Variants in TNIK observed in about 807,000 individuals in gnomAD.
The protein encoded by TNIK is TRAF2 and NCK-interacting protein kinase.
TNIK carries 49 observed loss-of-function variants against 191.3 expected under a neutral mutation model. The ratio of observed to expected loss-of-function variants is 0.26; its 90% CI spans 0.20 to 0.32. The LOEUF is 0.32. Ranked by LOEUF, TNIK falls within the 10% of genes least tolerant of loss-of-function variation. The pLI is 1.00. For synonymous variants in TNIK, 594 were observed against 600.9 expected, an observed-to-expected ratio of 0.99 and a Z score of 0.17; for missense variants, 1,155 against 1,702.3, an observed-to-expected ratio of 0.68 and a Z score of 5.66.
chr3:171,389,909 A>G (rs1197259333), intron 1 of TNIK, among the ~76,000 whole-genome samples: 1 of 152,182 alleles, frequency 6.6e-6, no homozygotes, highest in Non-Finnish European at 1.5e-5. Flanking sequence ...GTTTCTGCCA[A>G]CCCATTACAT....
intron 2 of TNIK, among the ~76,000 whole-genome samples, chr3:171,339,461 CTT>C (rs1266903058): frequency 3.3e-5 from 5 of 152,210 alleles, no homozygotes. Context: ...TGCCACTTCG[CTT>C]TTGTCAGTCC....
intron 2 of TNIK, among the ~76,000 whole-genome samples, chr3:171,332,848 T>G (rs771222248): frequency 6.6e-6 from 1 of 152,206 alleles, no homozygotes; most frequent in East Asian, 1.9e-4. Flanking sequence ...ACAAAGATGC[T>G]TGGGTATTAT....
chr3:171,402,374 G>T (rs1447075062), intron 1 of TNIK, among the ~76,000 whole-genome samples: 1 of 152,182 alleles, frequency 6.6e-6, no homozygotes, highest in Admixed American at 6.5e-5. Flanking sequence ...GAGAAGTAAA[G>T]GGTAAGGAAA....
At chr3:171,328,164 A>G (rs1756019937) in intron 2 of TNIK, among the ~76,000 whole-genome samples, 1 of 152,164 alleles carries the variant, frequency 6.6e-6, no homozygotes, top group Non-Finnish European at 1.5e-5. Context: ...GGATTAGTGC[A>G]CTTATAAAAT....
intron 4 of TNIK, among the ~76,000 whole-genome samples, chr3:171,208,451 A>C (rs1435811675): frequency 6.6e-6 from 1 of 152,208 alleles, no homozygotes; most frequent in Admixed American, 6.5e-5. Context: ...ACATTATATC[A>C]GATATCCCCA....
chr3:171,357,245 C>A (rs1455823031), intron 2 of TNIK, among the ~76,000 whole-genome samples: 1 of 152,004 alleles, frequency 6.6e-6, no homozygotes, highest in Non-Finnish European at 1.5e-5. Flanking sequence ...ATGAAGCAAA[C>A]CTAAACATAT....
In TNIK at chr3:171,283,213, T is replaced by C. The variant is rs542745435; in HGVS notation, c.124-54992A>G. ...TGTTAGCAACTGACCAAATACTCCT[T>C]GGATTTCGTGTCTGGAGAGAAGGAA... On this transcript the variant is annotated intron_variant, in intron 2 of 32. Coordinates refer to ENST00000436636, the MANE Select transcript of TNIK (RefSeq NM_015028.4). 1.4e-3 allele frequency among the ~76,000 whole-genome samples: 216 copies of C among 151,898 alleles called. 1 individual carries two copies. The highest frequency in any genetic ancestry group is 2.5e-3 in the Non-Finnish European group (168 of 67,960).
intron 1 of TNIK, among the ~76,000 whole-genome samples, chr3:171,428,563 T>C (rs1724941348): frequency 6.6e-6 from 1 of 152,208 alleles, no homozygotes; most frequent in African/African-American, 2.4e-5. Flanking sequence ...CTAAATTTCT[T>C]GAACAATTGC....
At chr3:171,336,840 C>T (rs1293197160) in intron 2 of TNIK, among the ~76,000 whole-genome samples, 1 of 152,178 alleles carries the variant, frequency 6.6e-6, no homozygotes, top group Non-Finnish European at 1.5e-5. Flanking sequence ...AGGGTTACTG[C>T]TCTAATGCAG....
intron 22 of TNIK, among the ~76,000 whole-genome samples, chr3:171,095,854 C>A (rs535870721): frequency 6.6e-6 from 1 of 152,228 alleles, no homozygotes; most frequent in East Asian, 1.9e-4. Flanking sequence ...GAGGCATTTT[C>A]ATTTTCAACA....
In TNIK at chr3:171,157,312, A is replaced by C. The variant is rs541482977; in HGVS notation, c.1221+148T>G. 1.3e-4 allele frequency: 135 copies of C among 1,013,390 alleles called. No individual in the cohort carries two copies. The South Asian group carries it at 2.1e-3, about 16-fold the overall frequency. 62.8% of individuals were successfully genotyped at this position (1,013,390 alleles called of 1,614,324 possible). On this transcript the variant is annotated intron_variant, in intron 12 of 32. Transcript: ENST00000436636. ...AGGGAAGCCTTTTGTTTGTAAGAGC[A>C]TTCAGGACTTATCTGCCCTTGCAGT...
chr3:171,253,143 G>A (rs984188426), intron 2 of TNIK, among the ~76,000 whole-genome samples: 2 of 151,728 alleles, frequency 1.3e-5, no homozygotes, highest in Non-Finnish European at 2.9e-5. Context: ...AATTAGCCGG[G>A]CGTGGTGGCA....
intron 5 of TNIK, 24 bp downstream of exon 5, chr3:171,194,501 G>A (rs1396773937): frequency 6.3e-7 from 1 of 1,599,634 alleles, no homozygotes; most frequent in East Asian, 2.2e-5. Flanking sequence ...TTGGGAGGTG[G>A]GCCAGTCCCC....
At chr3:171,392,778 CAAAA>C (rs60306915) in intron 1 of TNIK, among the ~76,000 whole-genome samples, 1,731 of 95,258 alleles carry the variant, frequency 0.018, 14 homozygotes, top group Middle Eastern at 0.044. Context: ...GATTCTGTCT[CAAAA>C]AAAAAAAAAA....
chr3:171,103,294 A>C (rs1281167458), intron 21 of TNIK, among the ~76,000 whole-genome samples: 1 of 152,206 alleles, frequency 6.6e-6, no homozygotes, highest in Non-Finnish European at 1.5e-5. Context: ...ACTCTGTTTA[A>C]ATGTAATGCA....
At chr3:171,454,487 G>A (rs914525232) in intron 1 of TNIK, among the ~76,000 whole-genome samples, 1 of 152,126 alleles carries the variant, frequency 6.6e-6, no homozygotes. Context: ...AGATAATTAT[G>A]CAAACAGCAA....
intron 7 of TNIK, among the ~76,000 whole-genome samples, chr3:171,187,887 G>C (rs1737561245): frequency 6.6e-6 from 1 of 152,078 alleles, no homozygotes; most frequent in Non-Finnish European, 1.5e-5. Context: ...AAGACCACAG[G>C]GTGTCTCTCT....
intron 1 of TNIK, among the ~76,000 whole-genome samples, chr3:171,376,770 A>AGAT (rs796359686): frequency 1.3e-5 from 2 of 151,996 alleles, no homozygotes; most frequent in South Asian, 2.1e-4. Context: ...ATAGATAGAT[A>AGAT]GATAGATAGA....
chr3:171,425,620 G>T (rs1052829711), intron 1 of TNIK, among the ~76,000 whole-genome samples: 1 of 152,102 alleles, frequency 6.6e-6, no homozygotes, highest in East Asian at 1.9e-4. Flanking sequence ...GAGGTCAGGG[G>T]TTCAAAACCA....
Sources: gnomAD v4.1 joint callset for allele counts (sites outside exome capture counted in the v4.1 genomes callset) on GRCh38, gnomAD v4.1.1 for gene constraint, MANE v1.5 for transcripts, NCBI Gene and HGNC (gene_info 2026-07-23, HGNC 2026-07-21) for gene names.